TPST1: variants seen among roughly 807,000 people sequenced by gnomAD.
TPST1 encodes the protein tyrosylprotein sulfotransferase 1.
TPST1 carries 20 observed loss-of-function variants against 34.8 expected under a neutral mutation model. The ratio of observed to expected loss-of-function variants is 0.57; its 90% confidence interval spans 0.40 to 0.84. The LOEUF (loss-of-function observed/expected upper bound fraction) is 0.84, where lower values mean the gene tolerates loss of function less well. TPST1 is among the 40% of genes least tolerant of loss of function. The pLI is 0.00. For missense variants in TPST1, 353 were observed against 455.5 expected, an observed-to-expected ratio of 0.78 and a Z score of 2.05; for synonymous variants, 152 against 159.4, an observed-to-expected ratio of 0.95 and a Z score of 0.35.
intron 1 of TPST1, among the ~76,000 whole-genome samples, chr7:66,234,046 C>T (rs1415196805): frequency 1.3e-5 from 2 of 152,146 alleles, no homozygotes; most frequent in African/African-American, 4.8e-5. Context: ...TTAGTACAGA[C>T]AGGGTTTCAC....
chr7:66,216,772 T>C (rs1369818118), intron 1 of TPST1, among the ~76,000 whole-genome samples: 1 of 152,246 alleles, frequency 6.6e-6, no homozygotes, highest in Non-Finnish European at 1.5e-5. Flanking sequence ...CCAGCCCTGT[T>C]TGCTCTTTTT....
chr7:66,263,947 T>G (rs2115738856), intron 2 of TPST1, among the ~76,000 whole-genome samples: 1 of 152,276 alleles, frequency 6.6e-6, no homozygotes, highest in South Asian at 2.1e-4. Flanking sequence ...GGCTGAATCT[T>G]AGTAAGAATA....
intron 2 of TPST1, among the ~76,000 whole-genome samples, chr7:66,259,275 A>G (rs1054265307): frequency 6.6e-6 from 1 of 152,172 alleles, no homozygotes; most frequent in African/African-American, 2.4e-5. Context: ...TTGTCTTTCA[A>G]GGAATTTGTT....
At chr7:66,358,215 T>G (rs1479007636) in intron 5 of TPST1, among the ~76,000 whole-genome samples, 1 of 152,112 alleles carries the variant, frequency 6.6e-6, no homozygotes, top group Non-Finnish European at 1.5e-5. Flanking sequence ...AGCACTGCAC[T>G]CTAGCCTGGG....
At chr7:66,254,797 G>A (rs1790349311) in intron 2 of TPST1, among the ~76,000 whole-genome samples, 2 of 152,156 alleles carry the variant, frequency 1.3e-5, no homozygotes, top group Admixed American at 1.3e-4. Context: ...CTTTCCTAAT[G>A]TTTTGTGGTT....
chr7:66,240,389 C>G lies in TPST1; in HGVS notation c.-37C>G. 1 of 1,586,682 alleles carries G rather than the reference C, an allele frequency of 6.3e-7. No individual in the cohort carries two copies. The highest frequency in any genetic ancestry group is 1.7e-4 in the Middle Eastern group (1 of 5,798). On this transcript the variant is annotated 5_prime_UTR_variant, in exon 2 of 6. Transcript: ENST00000304842. ...AACATTTTCCGAAAATCATTTTGAG[C>G]AAAATATCTGTTTAATAACAAGATA...
chr7:66,214,747 G>A (rs1193387921), intron 1 of TPST1, among the ~76,000 whole-genome samples: 1 of 150,744 alleles, frequency 6.6e-6, no homozygotes, highest in Non-Finnish European at 1.5e-5. Flanking sequence ...AACCTGGGAG[G>A]GGAGGCGAGA....
chr7:66,343,302 A>G (rs1211691392), intron 3 of TPST1, among the ~76,000 whole-genome samples: 1 of 152,210 alleles, frequency 6.6e-6, no homozygotes. Context: ...TAATGCTGAA[A>G]CAAAAAACCA....
At chr7:66,354,932 G>T (rs1383518805) in intron 4 of TPST1, among the ~76,000 whole-genome samples, 2 of 152,112 alleles carry the variant, frequency 1.3e-5, no homozygotes, top group Non-Finnish European at 2.9e-5. Flanking sequence ...GGTTGAAGCT[G>T]CAATGAGCCG....
At chr7:66,246,500 A>C (rs1790153137) in intron 2 of TPST1, among the ~76,000 whole-genome samples, 1 of 152,198 alleles carries the variant, frequency 6.6e-6, no homozygotes, top group African/African-American at 2.4e-5. Context: ...ATTGAGAAGA[A>C]GCAGAACCAG....
At chr7:66,236,077 C>T (rs1305467170) in intron 1 of TPST1, among the ~76,000 whole-genome samples, 2 of 152,042 alleles carry the variant, frequency 1.3e-5, no homozygotes, top group African/African-American at 4.8e-5. Context: ...TAGAAAAATA[C>T]TTTGACAGAC....
chr7:66,319,998 G>A (rs756967634), intron 3 of TPST1, among the ~76,000 whole-genome samples: 96 of 151,990 alleles, frequency 6.3e-4, no homozygotes, highest in African/African-American at 2.3e-3. Flanking sequence ...AATCGTCCCC[G>A]CTTCCTGGTA....
chr7:66,286,495 A>G lies in TPST1; in HGVS notation c.846-16A>G, dbSNP rs1791036607. The G allele has an allele frequency of 2.0e-6, 3 of 1,523,988 alleles. No homozygotes were observed. The East Asian group carries it at 7.3e-5, about 37-fold the overall frequency. The allele number at this position is 1,523,988 out of a possible 1,614,324, so 94.4% of individuals were successfully genotyped here. On this transcript the variant is annotated splice_polypyrimidine_tract_variant and intron_variant, in intron 2 of 5. Coordinates refer to ENST00000304842, the MANE Select transcript of TPST1 (RefSeq NM_003596.4). ...AAATTTTAAATAAATATTTATTCAT[A>G]TTATGTTGTTTTCAGAGTGGAGAGA...
intron 2 of TPST1, among the ~76,000 whole-genome samples, chr7:66,252,241 G>A (rs1231869925): frequency 6.6e-6 from 1 of 150,444 alleles, no homozygotes; most frequent in Non-Finnish European, 1.5e-5. Context: ...GTATTTTTTA[G>A]TAGAGACAGG....
intron 3 of TPST1, among the ~76,000 whole-genome samples, chr7:66,303,496 G>A (rs548537151): frequency 6.6e-6 from 1 of 152,144 alleles, no homozygotes; most frequent in Admixed American, 6.5e-5. Flanking sequence ...TGCAACCCCC[G>A]CCTCCTGGGT....
chr7:66,236,868 T>C (rs1789922537), intron 1 of TPST1, among the ~76,000 whole-genome samples: 1 of 152,210 alleles, frequency 6.6e-6, no homozygotes, highest in Non-Finnish European at 1.5e-5. Context: ...CCTGTCTGCA[T>C]AGCTTAGTGA....
chr7:66,284,952 C>T (rs192349452), intron 2 of TPST1, among the ~76,000 whole-genome samples: 10 of 152,284 alleles, frequency 6.6e-5, no homozygotes, highest in Non-Finnish European at 1.3e-4. Context: ...CCTGACCCCA[C>T]TTGCCTCATT....
At chr7:66,297,776 T>C (rs1453272993) in intron 3 of TPST1, among the ~76,000 whole-genome samples, 1 of 152,206 alleles carries the variant, frequency 6.6e-6, no homozygotes, top group Non-Finnish European at 1.5e-5. Flanking sequence ...ATTCTTACAT[T>C]AAAGGTAAAG....
intron 3 of TPST1, among the ~76,000 whole-genome samples, chr7:66,328,695 C>T (rs981623539): frequency 6.6e-6 from 1 of 151,106 alleles, no homozygotes; most frequent in African/African-American, 2.4e-5. Context: ...TAGGCACATG[C>T]CACAACGCCT....
Sources: gnomAD v4.1 joint callset for allele counts (sites outside exome capture counted in the v4.1 genomes callset) on GRCh38, gnomAD v4.1.1 for gene constraint, MANE v1.5 for transcripts, NCBI Gene and HGNC (gene_info 2026-07-23, HGNC 2026-07-21) for gene names.